ACSS2: variants seen among roughly 807,000 people sequenced by gnomAD.
The protein encoded by ACSS2 is acyl-CoA synthetase short chain family member 2, also known as acetyl-coenzyme A synthetase, cytoplasmic.
Under a neutral mutation model 90.6 loss-of-function variants are expected in ACSS2, and 58 were observed. That is an observed-to-expected ratio of 0.64 (90% CI 0.52 to 0.80). The LOEUF is 0.80. ACSS2 is among the 30% of genes least tolerant of loss of function. The pLI, the probability that ACSS2 is intolerant of heterozygous loss-of-function variation, is 0.00. For missense variants in ACSS2, 759 were observed against 912.0 expected (o/e 0.83, Z 2.16); for synonymous variants, 300 against 330.9 (o/e 0.91, Z 1.01).
intron 13 of ACSS2, chr20:34,922,465 G>A (rs765883806): frequency 6.6e-6 from 1 of 152,340 alleles, no homozygotes. Flanking sequence ...GTAACTGGGC[G>A]TGGTGGTGGA....
intron 2 of ACSS2, among the ~76,000 whole-genome samples, chr20:34,894,075 A>C (rs887114527): frequency 5.3e-5 from 8 of 151,946 alleles, no homozygotes; most frequent in Non-Finnish European, 1.2e-4. Context: ...TGACCATGAT[A>C]TTTTAATACA....
In ACSS2 at chr20:34,927,434, A is replaced by G. The variant is rs977703172; in HGVS notation, c.*220A>G. On this transcript the variant is annotated 3_prime_UTR_variant, in exon 18 of 18. Transcript: ENST00000360596. This position sits in a 1 kb window ranked among gnomAD's most constrained non-coding sequence, Gnocchi z 4.2. ...GTCAGCCTCAGTCTGCTGTGCCTCC[A>G]GACTGCAGAGCTCTCAGAACCCAGA... 6.8e-5 allele frequency: 42 copies of G among 613,336 alleles called. No individual in the cohort carries two copies. Among genetic ancestry groups the G allele is most frequent in the African/African-American group, 2.0e-4 (11 of 54,010 alleles). 38.0% of individuals were successfully genotyped at this position (613,336 alleles called of 1,614,324 possible).
intron 7 of ACSS2, 36 bp downstream of exon 7, chr20:34,914,473 A>G (rs757724523): frequency 2.6e-6 from 4 of 1,542,924 alleles, no homozygotes; most frequent in African/African-American, 2.8e-5. Context: ...CTCCAGGCTC[A>G]AATTCCTTCA....
At chr20:34,915,333 G>C in intron 7 of ACSS2, 1 of 1,584,216 alleles carries the variant, frequency 6.3e-7, no homozygotes, top group Admixed American at 1.7e-5. Context: ...TTGCCTGTTT[G>C]CCCCATTGAG....
intron 2 of ACSS2, among the ~76,000 whole-genome samples, chr20:34,885,139 G>A (rs1022972161): frequency 2.0e-5 from 3 of 152,140 alleles, no homozygotes; most frequent in African/African-American, 7.2e-5. Context: ...GGCGGAGGTT[G>A]CAGTGAGCAC....
chr20:34,912,865 A>G (rs1214754055), intron 2 of ACSS2, among the ~76,000 whole-genome samples: 1 of 152,244 alleles, frequency 6.6e-6, no homozygotes, highest in Non-Finnish European at 1.5e-5. Flanking sequence ...AGAGATGGAC[A>G]GTGCATTTTC....
intron 2 of ACSS2, among the ~76,000 whole-genome samples, chr20:34,887,215 G>A (rs1453676489): frequency 1.3e-5 from 2 of 152,190 alleles, no homozygotes; most frequent in African/African-American, 4.8e-5. Context: ...TTTGAAGACA[G>A]AACTGAGACT....
At chr20:34,887,236 T>A (rs1480821494) in intron 2 of ACSS2, among the ~76,000 whole-genome samples, 1 of 152,246 alleles carries the variant, frequency 6.6e-6, no homozygotes, top group Non-Finnish European at 1.5e-5. Flanking sequence ...AATCTCCAGA[T>A]ACTCTCACTC....
chr20:34,915,606 G>A (rs751630719), intron 7 of ACSS2, among the ~76,000 whole-genome samples: 15 of 152,144 alleles, frequency 9.9e-5, no homozygotes, highest in Non-Finnish European at 2.2e-4. Context: ...AGGTGGAGGA[G>A]GTTCAGACCC....
At chr20:34,895,010 AT>A (rs1175013965) in intron 2 of ACSS2, among the ~76,000 whole-genome samples, 3 of 152,158 alleles carry the variant, frequency 2.0e-5, no homozygotes, top group Admixed American at 2.0e-4. Context: ...TCTGACTTGT[AT>A]TTTTGTAACC....
chr20:34,886,408 C>T (rs2080193103), intron 2 of ACSS2, among the ~76,000 whole-genome samples: 1 of 151,942 alleles, frequency 6.6e-6, no homozygotes, highest in Non-Finnish European at 1.5e-5. Flanking sequence ...CACCTGAGGT[C>T]AGGAGTTCTA....
intron 2 of ACSS2, among the ~76,000 whole-genome samples, chr20:34,902,952 C>T (rs561791437): frequency 3.9e-4 from 57 of 147,584 alleles, no homozygotes; most frequent in African/African-American, 1.3e-3. Flanking sequence ...AGTCTGGTCT[C>T]GAACTCTTGG....
chr20:34,882,399 G>A (rs902083943), intron 1 of ACSS2, among the ~76,000 whole-genome samples: 14 of 152,122 alleles, frequency 9.2e-5, no homozygotes, highest in African/African-American at 2.9e-4. Flanking sequence ...CGAGGCGGGC[G>A]GATCACGAGG....
Position 34,913,032 on chromosome 20 carries a change from G to A in ACSS2, c.375-64G>A, listed in dbSNP as rs565378046. On this transcript the variant is annotated intron_variant, in intron 2 of 17. Coordinates refer to ENST00000360596, the MANE Select transcript of ACSS2 (RefSeq NM_018677.4). ...GTCACTGAATGGATTTTATGACTCT[G>A]CCTGTTTCTTGTTTGGGGAAGAAGT... 1.9e-5 allele frequency: 24 copies of A among 1,252,106 alleles called. No homozygotes were observed. In the Admixed American group the frequency reaches 3.4e-4, roughly 18 times the overall value. The allele number at this position is 1,252,106 out of a possible 1,614,324, so 77.6% of individuals were successfully genotyped here.
chr20:34,924,957 T>G (rs2081286079), intron 14 of ACSS2, among the ~76,000 whole-genome samples: 1 of 152,146 alleles, frequency 6.6e-6, no homozygotes, highest in South Asian at 2.1e-4. Context: ...CCCAAAGTGC[T>G]GGGATTACAG....
At position 34,907,781 on chromosome 20, in the gene ACSS2, C is replaced by T. The variant is rs552009509; in HGVS notation, c.375-5315C>T. Among the ~76,000 whole-genome samples the T allele has an allele frequency of 6.6e-5, 10 of 152,322 alleles. No individual in the cohort carries two copies. In the South Asian group the frequency reaches 1.2e-3, roughly 19 times the overall value. ...CTTTTCTGCCTCTGGCATTCAGGGC[C>T]GTTTGCCAGCTTCCTCTCTCCCTGT... On this transcript the variant is annotated intron_variant, in intron 2 of 17. Transcript: ENST00000360596.
At position 34,882,948 on chromosome 20, in the gene ACSS2, T is replaced by C. The variant is rs2080102005; in HGVS notation, c.333T>C (p.Asn111=). 1 of 1,607,870 alleles carries C rather than the reference T, an allele frequency of 6.2e-7. No homozygotes were observed. The highest frequency in any genetic ancestry group is 2.2e-5 in the East Asian group (1 of 44,836). Residue 111 remains asparagine (N), a synonymous_variant, in exon 2 of 18, where the codon AAT becomes AAC. Transcript: ENST00000360596. ...TCTGCTACAATGTACTGGATCGAAA[T>C]GTCCATGAGAAAAAGCTTGGAGATA... The part of the protein sequence containing the change: ...TNICYNVLDR[N]VHEKKLGDKV...
chr20:34,912,929 C>T (rs973543312), intron 2 of ACSS2, among the ~76,000 whole-genome samples, 167 bp from the exon 3 acceptor site: 4 of 152,176 alleles, frequency 2.6e-5, no homozygotes, highest in African/African-American at 7.2e-5. Context: ...GTATCTGACC[C>T]GTCAGCTCAA....
At chr20:34,898,751 C>T (rs757014189) in intron 2 of ACSS2, among the ~76,000 whole-genome samples, 27 of 152,240 alleles carry the variant, frequency 1.8e-4, no homozygotes, top group African/African-American at 6.5e-4. Flanking sequence ...CAGTGGATCC[C>T]GCACTGGGGC....
Sources: allele counts gnomAD v4.1 joint callset (sites outside exome capture counted in the v4.1 genomes callset), GRCh38; gene constraint gnomAD v4.1.1; non-coding constraint Gnocchi (gnomAD v3.1); transcripts MANE v1.5; gene names NCBI Gene and HGNC (gene_info 2026-07-23, HGNC 2026-07-21).